ADAMDEC1: variants seen among roughly 807,000 people sequenced by gnomAD.
ADAMDEC1 encodes the protein ADAM DEC1.
ADAMDEC1 carries 62 observed loss-of-function variants against 60.4 expected under a neutral mutation model. That is an observed-to-expected ratio of 1.03 (90% CI 0.84 to 1.27). ADAMDEC1 has a LOEUF of 1.27. Ranked by LOEUF, ADAMDEC1 falls within the 50% of genes most tolerant of loss-of-function variation. The pLI is 0.00. For missense variants in ADAMDEC1, 595 were observed against 565.0 expected (o/e 1.05, Z -0.54); for synonymous variants, 210 against 195.1 (o/e 1.08, Z -0.64).
In ADAMDEC1 at chr8:24,387,112, T is replaced by C. The variant is rs1585800311; in HGVS notation, c.88+2520T>C. On this transcript the variant is annotated intron_variant, in intron 1 of 13. Transcript: ENST00000256412. ...GGGCTAGTGGCTCTGTTTTCTCTAA[T>C]GCTTTTTCTTATTTCTTTAGAAGTG... 2.6e-5 allele frequency: 4 copies of C among 152,380 alleles called. No individual in the cohort carries two copies. In the East Asian group the frequency reaches 7.7e-4, roughly 29 times the overall value. 9.4% of individuals were successfully genotyped at this position (152,380 alleles called of 1,614,324 possible). A position where few individuals can be genotyped will look rare whatever the true frequency, so the allele number is the denominator to read the frequency against.
At chr8:24,401,577 T>A (rs1480928023) in intron 11 of ADAMDEC1, among the ~76,000 whole-genome samples, 1 of 152,156 alleles carries the variant, frequency 6.6e-6, no homozygotes, top group Non-Finnish European at 1.5e-5. Flanking sequence ...TGCCCCTCAA[T>A]TCTCAATGCA....
At chr8:24,405,228 A>G in intron 13 of ADAMDEC1, 64 bp from the exon 14 acceptor site, 1 of 1,417,290 alleles carries the variant, frequency 7.1e-7, no homozygotes, top group Admixed American at 1.7e-5. Flanking sequence ...CATTATCATT[A>G]TTACATAATA....
Position 24,395,725 on chromosome 8 carries a change from C to T in ADAMDEC1, c.369C>T (p.His123=). 2.5e-6 allele frequency: 4 copies of T among 1,612,156 alleles called. No individual in the cohort carries two copies. Among genetic ancestry groups the T allele is most frequent in the Non-Finnish European group, 3.4e-6 (4 of 1,178,750 alleles). ...ATTTCTTTTTTCCACTCCAGGAACA[C>T]TGTTACTATAAAGGAAACATCCTAA... The part of the protein sequence containing the change: ...EITTKPENME[H]CYYKGNILNE... Residue 123 remains histidine, a synonymous_variant, in exon 5 of 14, where the codon CAC becomes CAT. Coordinates refer to ENST00000256412, the MANE Select transcript of ADAMDEC1 (RefSeq NM_014479.3).
At chr8:24,400,620 A>C (rs1227677078) in intron 11 of ADAMDEC1, among the ~76,000 whole-genome samples, 3 of 147,964 alleles carry the variant, frequency 2.0e-5, no homozygotes, top group African/African-American at 5.2e-5. Context: ...ACTTGCAATG[A>C]ATGTTTCTTT....
At chr8:24,399,366 C>T (rs780301772) in intron 9 of ADAMDEC1, 27 bp from the exon 10 acceptor site, 3 of 1,594,164 alleles carry the variant, frequency 1.9e-6, no homozygotes, top group East Asian at 2.2e-5. Context: ...CAGATTGTGA[C>T]AGTAGTATCT....
In ADAMDEC1 at chr8:24,397,350, C is replaced by A; in HGVS notation, c.521C>A (p.Thr174Lys). 6.2e-7 allele frequency: 1 copy of A among 1,614,028 alleles called. No individual in the cohort carries two copies. Among genetic ancestry groups the A allele is most frequent in the Non-Finnish European group, 8.5e-7 (1 of 1,179,962 alleles). Residue 174 changes from threonine to lysine, a missense_variant, in exon 6 of 14, where the codon ACA becomes AAA. By Grantham distance (78) the Thr-to-Lys change is moderately conservative. Coordinates refer to ENST00000256412, the MANE Select transcript of ADAMDEC1 (RefSeq NM_014479.3). The part of the protein sequence containing the change: ...STDEKEHAVF[T>K]SNQEEQDPAN... ...GACGAGAAAGAACATGCCGTCTTTA[C>A]ATCTAACCAGGAGGAACAAGACCCA...
chr8:24,404,957 G>GA (rs1373756194), intron 13 of ADAMDEC1, among the ~76,000 whole-genome samples: 2 of 151,642 alleles, frequency 1.3e-5, no homozygotes, highest in East Asian at 1.9e-4. Flanking sequence ...CATCACAAAA[G>GA]AAAAAAAATC....
rs1817260082 is a variant in ADAMDEC1, at chr8:24,385,108, G to C, written c.88+516G>C. ...AGATTGATTATTGATATTATTGATA[G>C]ATGAACCATTTTGATGACACACTAT... On this transcript the variant is annotated intron_variant, in intron 1 of 13. Coordinates refer to ENST00000256412, the MANE Select transcript of ADAMDEC1 (RefSeq NM_014479.3). Among the ~76,000 whole-genome samples, 3 of 152,118 alleles carry C rather than the reference G, an allele frequency of 2.0e-5. No individual in the cohort carries two copies. In the South Asian group the frequency reaches 6.2e-4, roughly 31 times the overall value.
At chr8:24,400,333 A>G (rs1229622618) in intron 11 of ADAMDEC1, 33 bp downstream of exon 11, 1 of 1,562,902 alleles carries the variant, frequency 6.4e-7, no homozygotes, top group Non-Finnish European at 8.6e-7. Flanking sequence ...GGAGAGAGAT[A>G]TTTTCCAAAT....
chr8:24,401,414 G>C (rs1817763545), intron 11 of ADAMDEC1, among the ~76,000 whole-genome samples: 1 of 152,082 alleles, frequency 6.6e-6, no homozygotes, highest in Non-Finnish European at 1.5e-5. Context: ...TGAATTACCT[G>C]TGAATGCCAG....
rs199625284 is a variant in ADAMDEC1 at position 24,392,271 on chromosome 8, T to G, written c.98T>G (p.Ile33Arg). 2 of 1,607,222 alleles carry G rather than the reference T, an allele frequency of 1.2e-6. No individual in the cohort carries two copies. Among genetic ancestry groups the G allele is most frequent in the Non-Finnish European group, 1.7e-6 (2 of 1,176,704 alleles). ...WLIVQTQAIAIKQTPELTLHE... is the reference protein window; with the variant it reads ...WLIVQTQAIARKQTPELTLHE... Reference sequence around the variant, plus strand: ...ATTTCTCTTTCTCTAGCAATAGCCATAAAGCAAACACCTGAATTAACGCTC... The same window carrying G: ...ATTTCTCTTTCTCTAGCAATAGCCAGAAAGCAAACACCTGAATTAACGCTC... Residue 33 changes from isoleucine (I) to arginine (R), a missense_variant, in exon 2 of 14, where the codon ATA (isoleucine) becomes AGA (arginine). Transcript: ENST00000256412.
intron 1 of ADAMDEC1, among the ~76,000 whole-genome samples, chr8:24,386,411 G>T (rs1817293749): frequency 6.6e-6 from 1 of 152,124 alleles, no homozygotes; most frequent in African/African-American, 2.4e-5. Context: ...TAAGCAAAAT[G>T]AACTTCAGCA....
chr8:24,392,886 G>GTTTT (rs34415946), intron 2 of ADAMDEC1, among the ~76,000 whole-genome samples: 34 of 50,358 alleles, frequency 6.8e-4, no homozygotes, highest in African/African-American at 1.7e-3. Context: ...GGGTTGAGAG[G>GTTTT]TTTTTTTTTT....
chr8:24,391,652 T>C (rs1464725341), intron 1 of ADAMDEC1, among the ~76,000 whole-genome samples: 2 of 152,190 alleles, frequency 1.3e-5, no homozygotes, highest in Non-Finnish European at 2.9e-5. Context: ...ACAAAAACTT[T>C]ATTTCTTTGA....
chr8:24,400,277 T>C lies in ADAMDEC1; in HGVS notation c.1119T>C (p.Ser373=). Residue 373 remains serine (S), a synonymous_variant, in exon 11 of 14, where the codon AGT becomes AGC. Coordinates refer to ENST00000256412, the MANE Select transcript of ADAMDEC1 (RefSeq NM_014479.3). ...TCAACACCAAGTGTCCCTCTGGCAG[T>C]TGTGTGATGAATCAGTATCTGAGGT... The part of the protein sequence containing the change: ...VPFNTKCPSG[S]CVMNQYLSSK... The C allele has an allele frequency of 6.2e-7, 1 of 1,610,610 alleles. No homozygotes were observed. The highest frequency in any genetic ancestry group is 8.5e-7 in the Non-Finnish European group (1 of 1,178,350).
intron 11 of ADAMDEC1, among the ~76,000 whole-genome samples, chr8:24,401,543 C>T (rs1817765915): frequency 6.6e-6 from 1 of 152,130 alleles, no homozygotes; most frequent in Admixed American, 6.6e-5. Flanking sequence ...TACTTCCCTT[C>T]ACTGGTTCAT....
intron 1 of ADAMDEC1, among the ~76,000 whole-genome samples, chr8:24,391,776 A>T (rs1817450819): frequency 6.6e-6 from 1 of 152,184 alleles, no homozygotes. Context: ...TTATACACAA[A>T]TGAAAAACTT....
intron 13 of ADAMDEC1, 27 bp from the exon 14 acceptor site, chr8:24,405,265 T>C: frequency 1.9e-6 from 3 of 1,610,518 alleles, no homozygotes; most frequent in Non-Finnish European, 2.5e-6. Flanking sequence ...AACCCTGGCT[T>C]CCAAATTTTA....
chr8:24,400,383 T>A, intron 11 of ADAMDEC1, 83 bp downstream of exon 11: 2 of 1,366,076 alleles, frequency 1.5e-6, no homozygotes, highest in Non-Finnish European at 2.0e-6. Context: ...CTCTATTGTT[T>A]AATTAAATAT....
Sources: allele counts gnomAD v4.1 joint callset (sites outside exome capture counted in the v4.1 genomes callset), GRCh38; gene constraint gnomAD v4.1.1; transcripts MANE v1.5; gene names NCBI Gene and HGNC (gene_info 2026-07-23, HGNC 2026-07-21).